Variants in LOC128462377 observed in about 807,000 individuals in gnomAD.
the LOC128462377 span, among the ~76,000 whole-genome samples, chr16:89,395,486 G>A: frequency 1.3e-5 from 2 of 152,314 alleles, no homozygotes; most frequent in East Asian, 1.9e-4. Flanking sequence ...GTGAGCATGC[G>A]CCCAGGAACA....
chr16:89,393,849 T>C, the LOC128462377 span, among the ~76,000 whole-genome samples: 1 of 151,894 alleles, frequency 6.6e-6, no homozygotes, highest in East Asian at 1.9e-4. Flanking sequence ...TGTCAGACAG[T>C]GGGAATAATC....
the LOC128462377 span, among the ~76,000 whole-genome samples, chr16:89,417,325 C>T: frequency 1.3e-5 from 2 of 152,182 alleles, no homozygotes; most frequent in Admixed American, 6.5e-5. Context: ...ACTTTAAAAC[C>T]ATGACTCACA....
the LOC128462377 span, among the ~76,000 whole-genome samples, chr16:89,384,549 T>C: frequency 2.1e-5 from 3 of 142,088 alleles, no homozygotes; most frequent in East Asian, 4.1e-4. Flanking sequence ...TGGGATGGGA[T>C]GGGATGGGAA....
chr16:89,333,580 T>A, the LOC128462377 span, among the ~76,000 whole-genome samples: 12 of 152,344 alleles, frequency 7.9e-5, no homozygotes, highest in African/African-American at 2.6e-4. Flanking sequence ...CTGCACAGTT[T>A]TGCCCTTTCC....
At chr16:89,396,811 C>G in the LOC128462377 span, among the ~76,000 whole-genome samples, 2 of 152,098 alleles carry the variant, frequency 1.3e-5, no homozygotes, top group African/African-American at 4.8e-5. Context: ...CTCAGCCTCC[C>G]GAGTAGCTGG....
the LOC128462377 span, among the ~76,000 whole-genome samples, chr16:89,385,856 C>T: frequency 1.3e-5 from 2 of 152,254 alleles, no homozygotes; most frequent in South Asian, 2.1e-4. Flanking sequence ...ACCAGCGGCT[C>T]GCCAAGAGCT....
chr16:89,365,996 T>G, the LOC128462377 span, among the ~76,000 whole-genome samples: 1 of 151,998 alleles, frequency 6.6e-6, no homozygotes, highest in Non-Finnish European at 1.5e-5. Flanking sequence ...TTGTTAAGGA[T>G]AAGGGCCTCC....
the LOC128462377 span, among the ~76,000 whole-genome samples, chr16:89,342,341 A>T: frequency 1.3e-5 from 2 of 152,240 alleles, no homozygotes; most frequent in Admixed American, 1.3e-4. Context: ...GATGCAGCCC[A>T]TTTCACCTGA....
the LOC128462377 span, among the ~76,000 whole-genome samples, chr16:89,410,646 G>A: frequency 5.1e-3 from 784 of 152,300 alleles, 5 homozygotes; most frequent in African/African-American, 0.018. Context: ...CATCAGATAT[G>A]AACAAGAATC....
chr16:89,333,144 C>T, the LOC128462377 span, among the ~76,000 whole-genome samples: 583 of 152,340 alleles, frequency 3.8e-3, 2 homozygotes, highest in African/African-American at 0.014. Flanking sequence ...TCTGGGAACT[C>T]CAGTCAAAGA....
chr16:89,373,337 G>T, the LOC128462377 span: 1 of 152,280 alleles, frequency 6.6e-6, no homozygotes, highest in Non-Finnish European at 1.5e-5. Flanking sequence ...CCCCTGGCTA[G>T]AATAACCCAC....
At chr16:89,321,234 T>C in the LOC128462377 span, 3 of 152,378 alleles carry the variant, frequency 2.0e-5, no homozygotes, top group African/African-American at 4.8e-5. Context: ...CAAGGTCAGT[T>C]TGGCAAAACC....
the LOC128462377 span, among the ~76,000 whole-genome samples, chr16:89,364,833 A>T: frequency 1.3e-5 from 2 of 152,354 alleles, no homozygotes; most frequent in South Asian, 4.1e-4. Flanking sequence ...GCTCAGCACC[A>T]CGGCCAACCT....
At chr16:89,396,404 G>GCC in the LOC128462377 span, among the ~76,000 whole-genome samples, 2 of 152,296 alleles carry the variant, frequency 1.3e-5, no homozygotes, top group African/African-American at 4.8e-5. Context: ...CCAAAGGGAA[G>GCC]CCCTGAGACT....
the LOC128462377 span, among the ~76,000 whole-genome samples, chr16:89,343,253 G>C: frequency 6.6e-6 from 1 of 152,150 alleles, no homozygotes; most frequent in African/African-American, 2.4e-5. Flanking sequence ...TCGGCCTCCC[G>C]AAGTGCTGGG....
At chr16:89,394,586 C>G in the LOC128462377 span, among the ~76,000 whole-genome samples, 1 of 151,732 alleles carries the variant, frequency 6.6e-6, no homozygotes, top group Non-Finnish European at 1.5e-5. Context: ...CAGTATCGCA[C>G]CACTGCACTC....
At chr16:89,371,591 C>T in the LOC128462377 span, among the ~76,000 whole-genome samples, 2 of 152,168 alleles carry the variant, frequency 1.3e-5, no homozygotes, top group African/African-American at 4.8e-5. Context: ...GGCGCCGCTC[C>T]CCACATTCAA....
chr16:89,394,400 G>A, the LOC128462377 span, among the ~76,000 whole-genome samples: 53 of 152,322 alleles, frequency 3.5e-4, no homozygotes, highest in African/African-American at 1.1e-3. Flanking sequence ...AGGCCAAGGC[G>A]GGCAGATCAC....
chr16:89,318,217 G>A, the LOC128462377 span, among the ~76,000 whole-genome samples: 4 of 152,066 alleles, frequency 2.6e-5, no homozygotes, highest in African/African-American at 9.7e-5. Context: ...CCCACGCCAC[G>A]CCTGGCATGG....
Sources: gnomAD v4.1 joint callset for allele counts (sites outside exome capture counted in the v4.1 genomes callset) on GRCh38, gnomAD v4.1.1 for gene constraint, MANE v1.5 for transcripts.